ZNF236: variants seen among roughly 807,000 people sequenced by gnomAD.
ZNF236 encodes the protein zinc finger protein 236, also known as regulated by glucose.
Under a neutral mutation model 191.2 loss-of-function variants are expected in ZNF236, and 50 were observed. The ratio of observed to expected loss-of-function variants is 0.26; its 90% CI spans 0.21 to 0.33. The LOEUF is 0.33. ZNF236 is among the 10% of genes least tolerant of loss of function. The pLI is 1.00. For synonymous variants in ZNF236, 907 were observed against 928.8 expected (o/e 0.98, Z 0.43); for missense variants, 1,754 against 2,374.5 (o/e 0.74, Z 5.43).
intron 1 of ZNF236, among the ~76,000 whole-genome samples, chr18:76,833,683 A>G: frequency 6.6e-6 from 1 of 152,028 alleles, no homozygotes; most frequent in East Asian, 1.9e-4. Flanking sequence ...TTTTGATACT[A>G]GTATTTTGCT....
rs1158200689 is a variant in ZNF236 at position 76,843,926 on chromosome 18, T to C, written c.56-5600T>C. On this transcript the variant is annotated intron_variant, in intron 1 of 30. Transcript: ENST00000320610. ...GGTGCAGTGGTTCACGCCTGTAATA[T>C]GAGCACAAGGAAGAAGGTAGAAGGG... Among the ~76,000 whole-genome samples the C allele has an allele frequency of 4.1e-5, 6 of 145,754 alleles. No individual in the cohort carries two copies. In the South Asian group the frequency reaches 1.1e-3, roughly 26 times the overall value.
chr18:76,905,918 T>C (rs1977728060), intron 13 of ZNF236, among the ~76,000 whole-genome samples: 1 of 152,240 alleles, frequency 6.6e-6, no homozygotes. Context: ...AGCTCGTCTC[T>C]ATGTGGATGT....
chr18:76,916,697 G>A lies in ZNF236; in HGVS notation c.3274+838G>A, dbSNP rs1208308626. Reference sequence around the variant, plus strand: ...CACAGATTGCAGTTTTTAAATCCGTGTGTGTTCTGACACTCTTGGAGGTCA... The same window carrying A: ...CACAGATTGCAGTTTTTAAATCCGTATGTGTTCTGACACTCTTGGAGGTCA... On this transcript the variant is annotated intron_variant, in intron 19 of 30. Coordinates refer to ENST00000320610, the MANE Select transcript of ZNF236 (RefSeq NM_001306089.2). 2.0e-5 allele frequency among the ~76,000 whole-genome samples: 3 copies of A among 152,220 alleles called. No homozygotes were observed. The East Asian group carries it at 5.8e-4, about 29-fold the overall frequency.
rs769246807 is a variant in ZNF236 at position 76,915,766 on chromosome 18, G to C, written c.3181G>C (p.Gly1061Arg). ...TTATAAGTGTCCGTTTTGTGAGGAG[G>C]GTTTCCGAACTACAGTGCATTGTAA... ...KPYKCPFCEE[G>R]FRTTVHCKKH... The change falls in exon 19 of 31, where the codon GGT (glycine) becomes CGT (arginine). Residue 1061 changes from glycine (G) to arginine (R), a missense_variant. Physicochemically the swap from Gly to Arg is moderately radical, Grantham distance 125. This residue lies in a region of ZNF236 where 641 missense variants were observed against 869.6 expected (regional missense o/e 0.74). Coordinates refer to ENST00000320610, the MANE Select transcript of ZNF236 (RefSeq NM_001306089.2). 2 of 1,614,152 alleles carry C rather than the reference G, an allele frequency of 1.2e-6. No individual in the cohort carries two copies. The highest frequency in any genetic ancestry group is 1.7e-6 in the Non-Finnish European group (2 of 1,180,024).
rs373213413 is a variant in ZNF236, at chr18:76,849,686, T to G, written c.198+18T>G. 1 of 1,526,060 alleles carries G rather than the reference T, an allele frequency of 6.6e-7. No homozygotes were observed. Among genetic ancestry groups the G allele is most frequent in the South Asian group, 1.3e-5 (1 of 76,204 alleles). 94.5% of individuals were successfully genotyped at this position (1,526,060 alleles called of 1,614,324 possible). A position where few individuals can be genotyped will look rare whatever the true frequency, so the allele number is the denominator to read the frequency against. On this transcript the variant is annotated intron_variant, in intron 2 of 30. Transcript: ENST00000320610. ...ATGACAAGGTATGTATTTTCAAAGG[T>G]GATGTCAGGAATGTGAGCGTTGAAA...
intron 1 of ZNF236, among the ~76,000 whole-genome samples, chr18:76,824,761 C>T (rs1974969441): frequency 6.6e-6 from 1 of 152,166 alleles, no homozygotes; most frequent in Non-Finnish European, 1.5e-5. Flanking sequence ...CCCCAACACA[C>T]TTCCTAATTT....
intron 28 of ZNF236, among the ~76,000 whole-genome samples, chr18:76,956,387 C>G (rs1968526150): frequency 6.6e-6 from 1 of 152,244 alleles, no homozygotes; most frequent in Non-Finnish European, 1.5e-5. Flanking sequence ...TCACCTGCAA[C>G]TCACAATCAA....
At chr18:76,838,971 A>T (rs1975409149) in intron 1 of ZNF236, among the ~76,000 whole-genome samples, 1 of 152,264 alleles carries the variant, frequency 6.6e-6, no homozygotes, top group African/African-American at 2.4e-5. Flanking sequence ...CTTTTTAAAT[A>T]AAATGAAACC....
chr18:76,911,095 G>A (rs1312124570), intron 16 of ZNF236, among the ~76,000 whole-genome samples: 4 of 152,264 alleles, frequency 2.6e-5, no homozygotes, highest in East Asian at 3.9e-4. Context: ...GTAATAACAC[G>A]TTGAAAGGTA....
chr18:76,933,500 GTC>G (rs1003447761), intron 25 of ZNF236, among the ~76,000 whole-genome samples: 2 of 150,314 alleles, frequency 1.3e-5, no homozygotes, highest in East Asian at 2.0e-4. Flanking sequence ...GAGAAAATCA[GTC>G]TCTCTCTCTC....
intron 1 of ZNF236, among the ~76,000 whole-genome samples, chr18:76,825,834 C>T (rs1974999687): frequency 6.6e-6 from 1 of 151,702 alleles, no homozygotes; most frequent in South Asian, 2.1e-4. Flanking sequence ...TGGTCTTGAA[C>T]TCCTGGGCTC....
chr18:76,935,843 A>G (rs1260818272), intron 25 of ZNF236: 3 of 362,410 alleles, frequency 8.3e-6, no homozygotes, highest in South Asian at 6.1e-5. Flanking sequence ...ACAAGGCCAC[A>G]CTCCTCGGGC....
chr18:76,875,263 C>T lies in ZNF236; in HGVS notation c.668-229C>T, dbSNP rs1182322711. On this transcript the variant is annotated intron_variant, in intron 5 of 30. Transcript: ENST00000320610. This position sits in a 1 kb window ranked among gnomAD's most constrained non-coding sequence, Gnocchi z 4.3. The stretch of plus-strand genomic sequence containing the variant: ...ATTGCCTGATCCCCTGGAAGGATGG[C>T]ATTGCCTGGGGAAGCCCACAGGTGG... Among the ~76,000 whole-genome samples, 1 of 151,996 alleles carries T rather than the reference C, an allele frequency of 6.6e-6. No individual in the cohort carries two copies. The highest frequency in any genetic ancestry group is 2.4e-5 in the African/African-American group (1 of 41,416).
Position 76,947,541 on chromosome 18 carries a change from C to T in ZNF236, c.4803C>T (p.Leu1601=). The change falls in exon 27 of 31, where the codon CTC becomes CTT. Residue 1601 remains leucine (L), a synonymous_variant. Coordinates refer to ENST00000320610, the MANE Select transcript of ZNF236 (RefSeq NM_001306089.2). The part of the protein sequence containing the change: ...ITSQGQQFPA[L]LTDPSLSGQG... ...GCCAGGGTCAGCAGTTCCCAGCGCT[C>T]CTCACGGATCCCTCTCTCTCGGGCC... The T allele has an allele frequency of 6.2e-7, 1 of 1,613,960 alleles. No homozygotes were observed. Among genetic ancestry groups the T allele is most frequent in the African/African-American group, 1.3e-5 (1 of 75,026 alleles).
In ZNF236 at chr18:76,960,843, C is replaced by T. The variant is rs1427748037; in HGVS notation, c.5407C>T (p.His1803Tyr). The T allele has an allele frequency of 6.2e-7, 1 of 1,612,654 alleles. No homozygotes were observed. Among genetic ancestry groups the T allele is most frequent in the Non-Finnish European group, 8.5e-7 (1 of 1,179,036 alleles). ...SNMKLHMKRA[H>Y]SYAGALQESA... ...CATGAAGCTGCACATGAAGCGGGCGCACAGCTATGCTGGTGAGAATGCTGC... is the reference window on the plus strand; with the variant it reads ...CATGAAGCTGCACATGAAGCGGGCGTACAGCTATGCTGGTGAGAATGCTGC... The change falls in exon 30 of 31, where the codon CAC becomes TAC. Residue 1803 changes from histidine (H) to tyrosine (Y), a missense_variant. Physicochemically the swap from His to Tyr is moderately conservative, Grantham distance 83. This residue lies in a region of ZNF236 where 606 missense variants were observed against 761.5 expected (regional missense o/e 0.80). Coordinates refer to ENST00000320610, the MANE Select transcript of ZNF236 (RefSeq NM_001306089.2). The surrounding 1 kb of genome is among the most constrained non-coding windows in gnomAD (Gnocchi z 4.4).
In ZNF236 at chr18:76,927,875, G is replaced by A. The variant is rs1382894876; in HGVS notation, c.4415-52G>A. 3.0e-6 allele frequency: 4 copies of A among 1,332,370 alleles called. No individual in the cohort carries two copies. In the East Asian group the frequency reaches 7.4e-5, roughly 25 times the overall value. The allele number at this position is 1,332,370 out of a possible 1,614,324, so 82.5% of individuals were successfully genotyped here. Reference sequence around the variant, plus strand: ...AAATATTTTTAATATAAAAACAGGGGAAATTGGTTATTTTGAATCTCAACT... The same window carrying A: ...AAATATTTTTAATATAAAAACAGGGAAAATTGGTTATTTTGAATCTCAACT... On this transcript the variant is annotated intron_variant, in intron 24 of 30. Coordinates refer to ENST00000320610, the MANE Select transcript of ZNF236 (RefSeq NM_001306089.2). This position sits in a 1 kb window ranked among gnomAD's most constrained non-coding sequence, Gnocchi z 5.4.
intron 16 of ZNF236, 124 bp from the exon 17 acceptor site, chr18:76,912,120 G>T: frequency 1.5e-6 from 1 of 648,124 alleles, no homozygotes; most frequent in South Asian, 2.1e-5. Context: ...GAACTATTTG[G>T]GGTTTCTCTC....
At chr18:76,824,503 C>G in intron 1 of ZNF236, 2 of 777,988 alleles carry the variant, frequency 2.6e-6, no homozygotes, top group Non-Finnish European at 4.8e-6. Flanking sequence ...GCCTCTCCCG[C>G]TTTTGAGTTT....
At chr18:76,843,803 AAAGT>A (rs1975590913) in intron 1 of ZNF236, among the ~76,000 whole-genome samples, 16 of 62,066 alleles carry the variant, frequency 2.6e-4, no homozygotes, top group South Asian at 1.9e-3. Flanking sequence ...AAAAAAAAAA[AAAGT>A]AAAGAAGAGA....
Sources: gnomAD v4.1 joint callset for allele counts (sites outside exome capture counted in the v4.1 genomes callset) on GRCh38, gnomAD v4.1.1 for gene constraint, gnomAD v4.1.1 regional missense constraint, Gnocchi (gnomAD v3.1) non-coding constraint, MANE v1.5 for transcripts, NCBI Gene and HGNC (gene_info 2026-07-23, HGNC 2026-07-21) for gene names.